The following CNTNAP2 variants were observed in gnomAD, a reference collection of about 807,000 sequenced individuals.
CNTNAP2 encodes the protein contactin associated protein 2.
In CNTNAP2, 98 loss-of-function variants were observed where a neutral mutation model predicts 155.2. The ratio of observed to expected loss-of-function variants is 0.63; its 90% confidence interval spans 0.54 to 0.75. CNTNAP2 has a LOEUF of 0.75. Ranked by LOEUF, CNTNAP2 falls within the 30% of genes least tolerant of loss-of-function variation. CNTNAP2 has a pLI of 0.00. For synonymous variants in CNTNAP2, 651 were observed against 631.2 expected, an observed-to-expected ratio of 1.03 and a Z score of -0.47; for missense variants, 1,727 against 1,688.1, an observed-to-expected ratio of 1.02 and a Z score of -0.40.
intron 3 of CNTNAP2, among the ~76,000 whole-genome samples, chr7:146,908,003 A>T (rs1294413617): frequency 6.6e-6 from 1 of 152,166 alleles, no homozygotes; most frequent in Non-Finnish European, 1.5e-5. Flanking sequence ...TTGCAATCCT[A>T]GTCTCTGATA....
At chr7:146,959,393 A>G (rs1293546507) in intron 3 of CNTNAP2, among the ~76,000 whole-genome samples, 4 of 152,094 alleles carry the variant, frequency 2.6e-5, no homozygotes, top group Non-Finnish European at 5.9e-5. Flanking sequence ...CACAATCTAG[A>G]GTCAAGATGA....
chr7:146,916,746 T>C (rs1796402561), intron 3 of CNTNAP2, among the ~76,000 whole-genome samples: 3 of 152,160 alleles, frequency 2.0e-5, no homozygotes, highest in South Asian at 4.1e-4. Context: ...CTAGAAATTT[T>C]ATTTATCTTT....
At chr7:146,990,047 T>G (rs1798182960) in intron 3 of CNTNAP2, among the ~76,000 whole-genome samples, 1 of 151,920 alleles carries the variant, frequency 6.6e-6, no homozygotes, top group Non-Finnish European at 1.5e-5. Context: ...TTACCTACAA[T>G]TTTACTTAGG....
intron 11 of CNTNAP2, among the ~76,000 whole-genome samples, chr7:147,561,071 A>G (rs896260913): frequency 6.6e-6 from 1 of 152,114 alleles, no homozygotes; most frequent in Non-Finnish European, 1.5e-5. Flanking sequence ...CTGGAAATCC[A>G]GAGAGGTGGC....
intron 1 of CNTNAP2, among the ~76,000 whole-genome samples, chr7:146,556,671 C>T (rs1239899359): frequency 6.6e-6 from 1 of 152,152 alleles, no homozygotes; most frequent in Admixed American, 6.6e-5. Context: ...AATCATTTCA[C>T]TGAAACTGAT....
chr7:147,457,636 A>G (rs540814077), intron 10 of CNTNAP2, among the ~76,000 whole-genome samples: 2 of 152,172 alleles, frequency 1.3e-5, no homozygotes, highest in Non-Finnish European at 2.9e-5. Context: ...GCCATATGAT[A>G]GGCATCCACG....
chr7:147,639,868 A>G (rs1795245039), intron 13 of CNTNAP2, among the ~76,000 whole-genome samples: 1 of 152,178 alleles, frequency 6.6e-6, no homozygotes, highest in Non-Finnish European at 1.5e-5. Flanking sequence ...TGTGTGCAAG[A>G]CTGTGTCCGG....
In CNTNAP2 at chr7:147,133,371, A is replaced by G. The variant is rs141365247; in HGVS notation, c.1348+862A>G. Among the ~76,000 whole-genome samples the G allele has an allele frequency of 2.2e-3, 341 of 152,226 alleles. 3 individuals are homozygous for G. The highest frequency in any genetic ancestry group is 7.9e-3 in the African/African-American group (328 of 41,562). On this transcript the variant is annotated intron_variant, in intron 8 of 23. Transcript: ENST00000361727. Reference sequence around the variant, plus strand: ...CAAAGAAAACTAACATTTACTGAACACTTAGTACAGATGTAGCAGATACTG... The same window carrying G: ...CAAAGAAAACTAACATTTACTGAACGCTTAGTACAGATGTAGCAGATACTG...
chr7:147,293,543 T>C (rs1393003964), intron 8 of CNTNAP2, among the ~76,000 whole-genome samples: 1 of 152,162 alleles, frequency 6.6e-6, no homozygotes, highest in Admixed American at 6.5e-5. Flanking sequence ...TTCTAGGAAA[T>C]TTTGCTCTCA....
intron 13 of CNTNAP2, among the ~76,000 whole-genome samples, chr7:147,653,227 G>A (rs1795474517): frequency 6.6e-6 from 1 of 152,126 alleles, no homozygotes; most frequent in Admixed American, 6.5e-5. Flanking sequence ...GAAACGAAAT[G>A]TTGATGTTTT....
At chr7:147,337,011 G>A (rs1451651778) in intron 9 of CNTNAP2, among the ~76,000 whole-genome samples, 1 of 152,048 alleles carries the variant, frequency 6.6e-6, no homozygotes, top group East Asian at 1.9e-4. Context: ...TCTATATACT[G>A]CAGGAGATAG....
At chr7:146,906,381 T>C (rs1306410447) in intron 3 of CNTNAP2, among the ~76,000 whole-genome samples, 2 of 152,040 alleles carry the variant, frequency 1.3e-5, no homozygotes, top group African/African-American at 2.4e-5. Flanking sequence ...AGCAGTAACC[T>C]CTGCAGACTT....
intron 21 of CNTNAP2, among the ~76,000 whole-genome samples, chr7:148,366,315 C>T (rs1429098996): frequency 1.0e-3 from 108 of 108,448 alleles, no homozygotes; most frequent in South Asian, 6.6e-3. Flanking sequence ...TGTATGTATA[C>T]ATTATGTATA....
intron 13 of CNTNAP2, among the ~76,000 whole-genome samples, chr7:147,856,284 G>C (rs1374790634): frequency 6.6e-6 from 1 of 152,112 alleles, no homozygotes; most frequent in East Asian, 1.9e-4. Flanking sequence ...CTCACTACAT[G>C]AGCATTTTCA....
chr7:147,934,370 A>C (rs1800566768), intron 14 of CNTNAP2, among the ~76,000 whole-genome samples: 2 of 152,196 alleles, frequency 1.3e-5, no homozygotes, highest in East Asian at 3.9e-4. Context: ...GGATGGCAGC[A>C]GGCAAAGAGA....
intron 12 of CNTNAP2, among the ~76,000 whole-genome samples, chr7:147,600,653 T>A (rs1367749389): frequency 6.6e-6 from 1 of 152,196 alleles, no homozygotes. Context: ...CTCTTGTTGG[T>A]TGTCTGCCTT....
At chr7:148,057,855 T>C (rs1255302669) in intron 15 of CNTNAP2, among the ~76,000 whole-genome samples, 1 of 152,008 alleles carries the variant, frequency 6.6e-6, no homozygotes, top group Non-Finnish European at 1.5e-5. Flanking sequence ...ATTTCACTTC[T>C]CTAAGCTTCA....
At chr7:147,234,329 G>GTTTT (rs1803750826) in intron 8 of CNTNAP2, among the ~76,000 whole-genome samples, 1 of 112,924 alleles carries the variant, frequency 8.9e-6, no homozygotes, top group African/African-American at 3.6e-5. Context: ...TGTCCCAAGA[G>GTTTT]TATTCTTTTT....
intron 13 of CNTNAP2, among the ~76,000 whole-genome samples, chr7:147,871,069 G>C (rs937434464): frequency 6.6e-6 from 1 of 152,148 alleles, no homozygotes; most frequent in Non-Finnish European, 1.5e-5. Context: ...CATGAACTCA[G>C]ACCAACCATC....
Sources: allele counts gnomAD v4.1 joint callset (sites outside exome capture counted in the v4.1 genomes callset), GRCh38; gene constraint gnomAD v4.1.1; transcripts MANE v1.5; gene names NCBI Gene and HGNC (gene_info 2026-07-23, HGNC 2026-07-21).